Variants in MTUS2 observed in about 807,000 individuals in gnomAD.
MTUS2 encodes the protein microtubule-associated tumor suppressor candidate 2.
MTUS2 carries 40 observed loss-of-function variants against 114.1 expected under a neutral mutation model. The ratio of observed to expected loss-of-function variants is 0.35; its 90% CI spans 0.27 to 0.46. The LOEUF (loss-of-function observed/expected upper bound fraction) is 0.46, where lower values mean the gene tolerates loss of function less well. Among genes scored for constraint, MTUS2 ranks in the 20% least tolerant of loss-of-function variants. MTUS2 has a pLI of 1.00. For missense variants in MTUS2, 1,679 were observed against 1,705.4 expected (o/e 0.98, Z 0.27); for synonymous variants, 688 against 672.0 (o/e 1.02, Z -0.37).
chr13:28,822,293 C>T (rs561841662), intron 1 of MTUS2, among the ~76,000 whole-genome samples: 2 of 152,012 alleles, frequency 1.3e-5, no homozygotes, highest in Non-Finnish European at 2.9e-5. Context: ...CATTAAACTC[C>T]CTGTTTGGGC....
At chr13:29,065,512 T>C (rs1888623170) in intron 4 of MTUS2, among the ~76,000 whole-genome samples, 1 of 152,198 alleles carries the variant, frequency 6.6e-6, no homozygotes, top group South Asian at 2.1e-4. Flanking sequence ...TTCAGTTCCT[T>C]ATAGATGCTA....
chr13:29,340,025 C>G (rs1901308996), intron 7 of MTUS2, among the ~76,000 whole-genome samples: 1 of 152,258 alleles, frequency 6.6e-6, no homozygotes, highest in Admixed American at 6.5e-5. Flanking sequence ...GCCAAGTGTG[C>G]TGAGCTTGGT....
intron 8 of MTUS2, among the ~76,000 whole-genome samples, chr13:29,380,039 T>C (rs1211139393): frequency 2.0e-5 from 3 of 152,224 alleles, no homozygotes; most frequent in Non-Finnish European, 4.4e-5. Context: ...AATAACTGTA[T>C]GTGAGACAGT....
At chr13:29,220,924 A>C (rs1476875744) in intron 5 of MTUS2, among the ~76,000 whole-genome samples, 2 of 152,244 alleles carry the variant, frequency 1.3e-5, no homozygotes, top group African/African-American at 4.8e-5. Context: ...ATGCCTGTGT[A>C]GTGTTCTGGT....
In MTUS2 at chr13:29,497,240, C is replaced by G. The variant is rs1197516447; in HGVS notation, c.3582C>G (p.Asp1194Glu). 30 of 1,611,930 alleles carry G rather than the reference C, an allele frequency of 1.9e-5. No individual in the cohort carries two copies. Among genetic ancestry groups the G allele is most frequent in the Non-Finnish European group, 2.5e-5 (30 of 1,179,794 alleles). The change falls in exon 13 of 16, where the codon GAC becomes GAG. Residue 1194 changes from aspartate to glutamate, a missense_variant and splice_region_variant. Around this residue, in one of 3 missense-constraint regions of MTUS2, gnomAD observed 822 missense variants for 899.7 expected, o/e 0.91. Transcript: ENST00000612955. ...ACTCCTTGTATCATTACTTGCAGGA[C>G]CAGGTGGACACGCTGACCTTCCAGA... ...NFEKLRLSLQ[D>E]QVDTLTFQSQ...
intron 2 of MTUS2, among the ~76,000 whole-genome samples, chr13:28,903,853 G>A (rs1055396233): frequency 6.7e-6 from 1 of 148,786 alleles, no homozygotes; most frequent in African/African-American, 2.5e-5. Context: ...TTCCACAATG[G>A]TTGAACTAGT....
intron 6 of MTUS2, among the ~76,000 whole-genome samples, chr13:29,313,170 A>C (rs950927544): frequency 6.6e-6 from 1 of 152,174 alleles, no homozygotes; most frequent in Non-Finnish European, 1.5e-5. Flanking sequence ...GATGTGTTGG[A>C]GTAGAGGGAG....
In MTUS2 at chr13:29,191,964, T is replaced by G. The variant is rs1411404359; in HGVS notation, c.2645-89740T>G. Among the ~76,000 whole-genome samples, 5 of 152,326 alleles carry G rather than the reference T, an allele frequency of 3.3e-5. No individual in the cohort carries two copies. In the South Asian group the frequency reaches 8.3e-4, roughly 25 times the overall value. ...CAGAGATGTGGTGACTACAATGCAG[T>G]GAGTTATTTCCCAAGTGGTAAGTAA... is the stretch of plus-strand genomic sequence containing the variant. On this transcript the variant is annotated intron_variant, in intron 5 of 15. Transcript: ENST00000612955.
intron 4 of MTUS2, among the ~76,000 whole-genome samples, chr13:29,093,502 T>C (rs950338907): frequency 8.5e-5 from 13 of 152,222 alleles, no homozygotes; most frequent in African/African-American, 2.9e-4. Context: ...CTAAGTATTT[T>C]ATTCCTTTTG....
intron 8 of MTUS2, chr13:29,428,636 C>T: frequency 4.1e-6 from 1 of 243,158 alleles, no homozygotes. Flanking sequence ...AAGATCTGAT[C>T]GCTGCTGCCC....
intron 4 of MTUS2, among the ~76,000 whole-genome samples, chr13:29,073,169 G>A (rs535053514): frequency 6.6e-6 from 1 of 152,118 alleles, no homozygotes; most frequent in South Asian, 2.1e-4. Flanking sequence ...TGCAAATGCA[G>A]ACACTCAGGT....
intron 5 of MTUS2, among the ~76,000 whole-genome samples, chr13:29,182,197 C>A (rs1436178350): frequency 6.6e-6 from 1 of 152,152 alleles, no homozygotes; most frequent in African/African-American, 2.4e-5. Context: ...TGGAGTCATC[C>A]TTGATTCTCT....
At chr13:29,017,358 A>T (rs1424133637) in intron 2 of MTUS2, among the ~76,000 whole-genome samples, 1 of 152,204 alleles carries the variant, frequency 6.6e-6, no homozygotes, top group Non-Finnish European at 1.5e-5. Context: ...ATGAAGTCAG[A>T]TGAACTTGCA....
intron 4 of MTUS2, among the ~76,000 whole-genome samples, chr13:29,037,542 A>G (rs1887138861): frequency 6.6e-6 from 1 of 152,068 alleles, no homozygotes; most frequent in Non-Finnish European, 1.5e-5. Flanking sequence ...TATTTCCTGA[A>G]ATTGAATATT....
At chr13:29,110,324 A>G (rs1343428320) in intron 5 of MTUS2, among the ~76,000 whole-genome samples, 1 of 152,230 alleles carries the variant, frequency 6.6e-6, no homozygotes, top group African/African-American at 2.4e-5. Context: ...GGCTTTGCAC[A>G]GCTTCTCATT....
At chr13:29,239,596 T>C (rs1272829960) in intron 5 of MTUS2, 1 of 152,244 alleles carries the variant, frequency 6.6e-6, no homozygotes, top group East Asian at 1.9e-4. Context: ...ATGGTCTTGA[T>C]TGCCAAGGAT....
At chr13:29,302,658 G>C (rs1489614930) in intron 6 of MTUS2, among the ~76,000 whole-genome samples, 2 of 152,200 alleles carry the variant, frequency 1.3e-5, no homozygotes, top group East Asian at 3.8e-4. Context: ...CCCTGAGATG[G>C]ATTCAAGTTC....
chr13:28,852,757 C>T (rs1193042558), intron 2 of MTUS2, among the ~76,000 whole-genome samples: 1 of 151,930 alleles, frequency 6.6e-6, no homozygotes, highest in Non-Finnish European at 1.5e-5. Context: ...TCCAGCTACT[C>T]CGGAGGCTGA....
chr13:29,088,344 T>G (rs1889790993), intron 4 of MTUS2, among the ~76,000 whole-genome samples: 1 of 152,150 alleles, frequency 6.6e-6, no homozygotes, highest in Admixed American at 6.5e-5. Flanking sequence ...GTGTGGTTGG[T>G]TGGTAGGATT....
Sources: gnomAD v4.1 joint callset for allele counts (sites outside exome capture counted in the v4.1 genomes callset) on GRCh38, gnomAD v4.1.1 for gene constraint, gnomAD v4.1.1 regional missense constraint, MANE v1.5 for transcripts, NCBI Gene and HGNC (gene_info 2026-07-23, HGNC 2026-07-21) for gene names.